The following EPHB1 variants were observed in gnomAD, a reference collection of about 807,000 sequenced individuals.
The protein encoded by EPHB1 is EPH receptor B1.
EPHB1 carries 30 observed loss-of-function variants against 94.4 expected under a neutral mutation model. The observed-to-expected ratio is 0.32, with a 90% CI of 0.24 to 0.43. The LOEUF is 0.43. Among genes scored for constraint, EPHB1 ranks in the 20% least tolerant of loss-of-function variants. The pLI is 1.00. For synonymous variants in EPHB1, 522 were observed against 489.1 expected (o/e 1.07, Z -0.89); for missense variants, 1,055 against 1,308.3 (o/e 0.81, Z 2.99).
intron 1 of EPHB1, among the ~76,000 whole-genome samples, chr3:134,801,382 G>A (rs561801483): frequency 6.6e-6 from 1 of 152,270 alleles, no homozygotes; most frequent in South Asian, 2.1e-4. Flanking sequence ...GTCCCCAAAG[G>A]AGATGAACCT....
chr3:134,821,928 G>T (rs2036389317), intron 1 of EPHB1, among the ~76,000 whole-genome samples: 1 of 152,196 alleles, frequency 6.6e-6, no homozygotes, highest in Non-Finnish European at 1.5e-5. Context: ...CACACACCAA[G>T]TGGGTTAACA....
At position 134,795,565 on chromosome 3, in the gene EPHB1, T is replaced by A. The variant is rs2035805824; in HGVS notation, c.-67T>A. On this transcript the variant is annotated 5_prime_UTR_variant, in exon 1 of 16. Transcript: ENST00000398015. ...ACCCGCGGAGAGCGCAGCGGCGCCC[T>A]GGGACGCGGCGCTCTCCCGGCGCTG... The A allele has an allele frequency of 6.6e-7, 1 of 1,506,486 alleles. No homozygotes were observed. The highest frequency in any genetic ancestry group is 1.2e-5 in the South Asian group (1 of 86,802). The allele number at this position is 1,506,486 out of a possible 1,614,324, so 93.3% of individuals were successfully genotyped here.
chr3:135,114,803 AG>A (rs1939623952), intron 4 of EPHB1, among the ~76,000 whole-genome samples: 1 of 152,022 alleles, frequency 6.6e-6, no homozygotes, highest in African/African-American at 2.4e-5. Flanking sequence ...ATTCAATAAA[AG>A]TAAGCTATTT....
chr3:134,996,626 C>A (rs1368524807), intron 3 of EPHB1, among the ~76,000 whole-genome samples: 1 of 152,102 alleles, frequency 6.6e-6, no homozygotes, highest in Non-Finnish European at 1.5e-5. Context: ...ATCCCAGCTG[C>A]CCATGAGAGT....
chr3:134,841,875 A>G (rs1433797621), intron 1 of EPHB1, among the ~76,000 whole-genome samples: 1 of 152,186 alleles, frequency 6.6e-6, no homozygotes, highest in Non-Finnish European at 1.5e-5. Context: ...TTGCCACTTA[A>G]TGATATTCCC....
intron 1 of EPHB1, among the ~76,000 whole-genome samples, chr3:134,914,779 G>A (rs1306762151): frequency 6.6e-6 from 1 of 152,110 alleles, no homozygotes; most frequent in Non-Finnish European, 1.5e-5. Context: ...GCAGCAGGGG[G>A]CTTTTACCAC....
At chr3:135,238,140 T>A (rs187435268) in intron 12 of EPHB1, among the ~76,000 whole-genome samples, 30 of 152,302 alleles carry the variant, frequency 2.0e-4, no homozygotes, top group African/African-American at 7.0e-4. Flanking sequence ...ACATTGACAA[T>A]GATGTTTGAA....
At chr3:135,258,061 C>T (rs1161922612) in intron 15 of EPHB1, among the ~76,000 whole-genome samples, 5 of 152,184 alleles carry the variant, frequency 3.3e-5, no homozygotes, top group Non-Finnish European at 2.9e-5. Flanking sequence ...AATGCCTCAC[C>T]CTGCTTCGGC....
intron 4 of EPHB1, among the ~76,000 whole-genome samples, chr3:135,112,307 C>A (rs1319264584): frequency 6.6e-6 from 1 of 152,176 alleles, no homozygotes; most frequent in Non-Finnish European, 1.5e-5. Flanking sequence ...GGGCAATAAG[C>A]ATTCCACATG....
chr3:135,127,934 C>T lies in EPHB1; in HGVS notation c.962-4780C>T, dbSNP rs534943348. On this transcript the variant is annotated intron_variant, in intron 4 of 15. Transcript: ENST00000398015. ...TTCAAAACTCATGACCAACCACACT[C>T]CCTCCTCACCCAAACAGAAAATCAC... is the stretch of plus-strand genomic sequence containing the variant. 2.0e-5 allele frequency among the ~76,000 whole-genome samples: 3 copies of T among 152,266 alleles called. No individual in the cohort carries two copies. In the East Asian group the frequency reaches 5.8e-4, roughly 29 times the overall value.
At chr3:135,106,770 C>T (rs1343380475) in intron 4 of EPHB1, among the ~76,000 whole-genome samples, 167 bp downstream of exon 4, 3 of 152,182 alleles carry the variant, frequency 2.0e-5, no homozygotes, top group Non-Finnish European at 4.4e-5. Flanking sequence ...GTTCAGAGGC[C>T]TTGTCCCTAC....
In EPHB1 at chr3:134,929,939, A is replaced by G. The variant is rs1367482046; in HGVS notation, c.123+4059A>G. Among the ~76,000 whole-genome samples, 3 of 152,324 alleles carry G rather than the reference A, an allele frequency of 2.0e-5. No individual in the cohort carries two copies. The East Asian group carries it at 5.8e-4, about 29-fold the overall frequency. ...AGAGAGATGGACTGTCAGCCCAAAA[A>G]GGAGGGAAAGTCCTCAGATTGTTTC... On this transcript the variant is annotated intron_variant, in intron 2 of 15. Coordinates refer to ENST00000398015, the MANE Select transcript of EPHB1 (RefSeq NM_004441.5).
intron 3 of EPHB1, among the ~76,000 whole-genome samples, chr3:135,068,326 C>T (rs2400401): frequency 0.81 from 123,897 of 152,140 alleles, 52,010 homozygotes; most frequent in Non-Finnish European, 0.91. Context: ...ACATCCTCAC[C>T]AATACTTGTT....
At chr3:135,114,764 A>AATAT (rs1459351124) in intron 4 of EPHB1, among the ~76,000 whole-genome samples, 2 of 151,060 alleles carry the variant, frequency 1.3e-5, no homozygotes, top group East Asian at 1.9e-4. Context: ...TAAATAAATA[A>AATAT]ATAAAACAAT....
At chr3:134,888,756 G>A (rs2037908099) in intron 1 of EPHB1, among the ~76,000 whole-genome samples, 1 of 151,754 alleles carries the variant, frequency 6.6e-6, no homozygotes, top group South Asian at 2.1e-4. Flanking sequence ...AAATCATAAG[G>A]CATATCTTCC....
At chr3:135,201,016 G>A (rs1399402130) in intron 11 of EPHB1, among the ~76,000 whole-genome samples, 1 of 152,144 alleles carries the variant, frequency 6.6e-6, no homozygotes, top group East Asian at 1.9e-4. Flanking sequence ...GGCAGTAGCT[G>A]ATCCCAGGCG....
In EPHB1 at chr3:134,816,579, C is replaced by T. The variant is rs375205170; in HGVS notation, c.58+20890C>T. ...TAGATGAGATAAGGTGTTTAAAGCC[C>T]GTGGTAGTTATTAGTATTGTCATTT... On this transcript the variant is annotated intron_variant, in intron 1 of 15. Transcript: ENST00000398015. 5.3e-5 allele frequency among the ~76,000 whole-genome samples: 8 copies of T among 152,128 alleles called. No individual in the cohort carries two copies. In the East Asian group the frequency reaches 9.7e-4, roughly 18 times the overall value.
At chr3:134,829,889 G>C (rs367884390) in intron 1 of EPHB1, among the ~76,000 whole-genome samples, 2 of 152,264 alleles carry the variant, frequency 1.3e-5, no homozygotes, top group East Asian at 3.9e-4. Context: ...GTGAGCCAAA[G>C]AACACCAAAG....
intron 12 of EPHB1, among the ~76,000 whole-genome samples, chr3:135,232,404 A>G (rs1501212): frequency 0.45 from 67,738 of 152,108 alleles, 16,054 homozygotes; most frequent in Middle Eastern, 0.63. Context: ...CTTGTCTACA[A>G]TGGATTGCAC....
Sources: gnomAD v4.1 joint callset for allele counts (sites outside exome capture counted in the v4.1 genomes callset) on GRCh38, gnomAD v4.1.1 for gene constraint, MANE v1.5 for transcripts, NCBI Gene and HGNC (gene_info 2026-07-23, HGNC 2026-07-21) for gene names.